Variants in PHLDB2 observed in about 807,000 individuals in gnomAD.
The protein encoded by PHLDB2 is pleckstrin homology-like domain family B member 2.
In PHLDB2, 71 loss-of-function variants were observed where a neutral mutation model predicts 123.6. The ratio of observed to expected loss-of-function variants is 0.57; its 90% CI spans 0.47 to 0.70. The LOEUF (loss-of-function observed/expected upper bound fraction) is 0.70. Among genes scored for constraint, PHLDB2 ranks in the 30% least tolerant of loss-of-function variants. PHLDB2 has a pLI of 0.00. For synonymous variants in PHLDB2, 547 were observed against 541.6 expected, an observed-to-expected ratio of 1.01 and a Z score of -0.14; for missense variants, 1,446 against 1,519.5, an observed-to-expected ratio of 0.95 and a Z score of 0.80.
intron 1 of PHLDB2, among the ~76,000 whole-genome samples, chr3:111,768,649 A>G (rs996617586): frequency 3.3e-5 from 5 of 152,150 alleles, no homozygotes. Context: ...TCCTGCCACA[A>G]ATATTTGAAT....
Position 111,940,584 on chromosome 3 carries a change from C to T in PHLDB2, c.2336C>T (p.Ala779Val). Residue 779 changes from alanine to valine, a missense_variant, in exon 8 of 18, where the codon GCT (alanine) becomes GTT (valine). By Grantham distance (64) the Ala-to-Val change is moderately conservative (BLOSUM62 0). Around this residue, in one of 3 missense-constraint regions of PHLDB2, gnomAD observed 594 missense variants for 646.0 expected, o/e 0.92. Coordinates refer to ENST00000431670, the MANE Select transcript of PHLDB2 (RefSeq NM_001134438.2). ...CAAGCCAATCACATTGTTCAGCAGG[C>T]TCAGAGAGAGCAAGATCATTTTGTG... ...KKQANHIVQQ[A>V]QREQDHFVKE... is the part of the protein sequence containing the mutation. 1.2e-6 allele frequency: 2 copies of T among 1,604,578 alleles called. No individual in the cohort carries two copies. Among genetic ancestry groups the T allele is most frequent in the Non-Finnish European group, 1.7e-6 (2 of 1,175,946 alleles).
intron 1 of PHLDB2, among the ~76,000 whole-genome samples, chr3:111,840,032 G>A (rs1414956377): frequency 7.4e-6 from 1 of 135,922 alleles, no homozygotes; most frequent in Non-Finnish European, 1.5e-5. Context: ...AGAATTGCTT[G>A]AGACAAGGAG....
At chr3:111,827,123 C>A (rs1303184061) in intron 1 of PHLDB2, among the ~76,000 whole-genome samples, 3 of 152,236 alleles carry the variant, frequency 2.0e-5, no homozygotes, top group Non-Finnish European at 4.4e-5. Context: ...GAACAACCTG[C>A]AAACTAGTCT....
At chr3:111,735,998 T>G (rs9868909) in intron 1 of PHLDB2, among the ~76,000 whole-genome samples, 59,139 of 152,076 alleles carry the variant, frequency 0.39, 13,474 homozygotes, top group Middle Eastern at 0.55. Context: ...TCTAAATTAT[T>G]TGATCAGATC....
At chr3:111,952,243 G>C (rs1331256360) in intron 10 of PHLDB2, among the ~76,000 whole-genome samples, 1 of 152,104 alleles carries the variant, frequency 6.6e-6, no homozygotes, top group Non-Finnish European at 1.5e-5. Context: ...AAGTGCTTAC[G>C]TGCTTTGTCC....
chr3:111,741,389 G>T (rs2059602567), intron 1 of PHLDB2, among the ~76,000 whole-genome samples: 1 of 152,190 alleles, frequency 6.6e-6, no homozygotes, highest in Non-Finnish European at 1.5e-5. Flanking sequence ...TGCCCACTAG[G>T]CCAAAAGAGA....
chr3:111,753,612 T>C (rs1488300418), intron 1 of PHLDB2, among the ~76,000 whole-genome samples: 1 of 152,214 alleles, frequency 6.6e-6, no homozygotes, highest in Non-Finnish European at 1.5e-5. Flanking sequence ...CTGTTCACTC[T>C]GATGGTAGTT....
At chr3:111,849,798 A>G (rs1432357209) in intron 2 of PHLDB2, among the ~76,000 whole-genome samples, 2 of 152,194 alleles carry the variant, frequency 1.3e-5, no homozygotes, top group African/African-American at 4.8e-5. Context: ...ACCATGGAAT[A>G]CTATTCAGCC....
intron 1 of PHLDB2, among the ~76,000 whole-genome samples, chr3:111,840,972 TG>T (rs1442935818): frequency 6.6e-6 from 1 of 152,242 alleles, no homozygotes; most frequent in African/African-American, 2.4e-5. Context: ...CATTTTGTCA[TG>T]ATTACCAGGC....
intron 12 of PHLDB2, chr3:111,958,138 T>C (rs2071169972): frequency 3.6e-6 from 1 of 275,872 alleles, no homozygotes; most frequent in Non-Finnish European, 5.5e-6. Context: ...TGAGTGCATG[T>C]TGGAAGTGTT....
At chr3:111,844,348 C>T (rs183071497) in intron 1 of PHLDB2, among the ~76,000 whole-genome samples, 1 of 152,318 alleles carries the variant, frequency 6.6e-6, no homozygotes, top group East Asian at 1.9e-4. Context: ...TTCAATTCAA[C>T]ATGTCCAGAA....
At chr3:111,855,743 C>T (rs2064467299), upstream of PHLDB2, among the ~76,000 whole-genome samples, 1 of 150,534 alleles carries the variant, frequency 6.6e-6, no homozygotes, top group Non-Finnish European at 1.5e-5. Flanking sequence ...GATTCTCCCA[C>T]CTCAGCCTCC....
At chr3:111,881,785 T>C (rs2065939391) in intron 1 of PHLDB2, among the ~76,000 whole-genome samples, 1 of 152,148 alleles carries the variant, frequency 6.6e-6, no homozygotes, top group South Asian at 2.1e-4. Context: ...TTTTTTTTTT[T>C]TTCAGTATTT....
rs1330224845 is a variant in PHLDB2, at chr3:111,805,007, TACACTGCTAGC to T, written c.-48-40812_-48-40802del. 9.1e-3 allele frequency among the ~76,000 whole-genome samples: 1,380 copies of T among 152,302 alleles called. 13 individuals carry two copies. The highest frequency in any genetic ancestry group is 0.032 in the African/African-American group (1,324 of 41,552). On this transcript the variant is annotated intron_variant, in intron 1 of 17. Transcript: ENST00000393923. ...GGATGTGGAGCAACCAGAAGTCTTA[TACACTGCTAGC>T]AAGAATGTAGAATTTGAAAGTGTCA...
intron 1 of PHLDB2, among the ~76,000 whole-genome samples, chr3:111,840,323 C>T (rs751546559): frequency 3.3e-5 from 5 of 151,938 alleles, no homozygotes; most frequent in African/African-American, 7.3e-5. Context: ...GGATAATATA[C>T]AATTAATCTT....
chr3:111,775,996 A>G (rs1398561829), intron 1 of PHLDB2, among the ~76,000 whole-genome samples: 2 of 152,166 alleles, frequency 1.3e-5, no homozygotes, highest in African/African-American at 2.4e-5. Context: ...TTTCAGAGAT[A>G]TTGACCTCCT....
intron 1 of PHLDB2, among the ~76,000 whole-genome samples, chr3:111,790,642 G>C (rs759544960): frequency 6.6e-6 from 1 of 152,164 alleles, no homozygotes; most frequent in Non-Finnish European, 1.5e-5. Flanking sequence ...TGTTTGATGA[G>C]GTGAGCGCAG....
intron 1 of PHLDB2, among the ~76,000 whole-genome samples, chr3:111,814,329 A>G (rs1320285929): frequency 6.6e-6 from 1 of 151,916 alleles, no homozygotes; most frequent in African/African-American, 2.4e-5. Flanking sequence ...ACAGCCTCCC[A>G]GCCTACATCT....
intron 2 of PHLDB2, among the ~76,000 whole-genome samples, chr3:111,852,860 C>A (rs975365987): frequency 2.0e-5 from 3 of 151,916 alleles, no homozygotes; most frequent in Admixed American, 1.3e-4. Context: ...AGAAGGAGAA[C>A]GTTTAATGCA....
Sources: gnomAD v4.1 joint callset for allele counts (sites outside exome capture counted in the v4.1 genomes callset) on GRCh38, gnomAD v4.1.1 for gene constraint, gnomAD v4.1.1 regional missense constraint, MANE v1.5 for transcripts, NCBI Gene and HGNC (gene_info 2026-07-23, HGNC 2026-07-21) for gene names.